Variants in CCDC149 observed in about 807,000 individuals in gnomAD.
CCDC149 encodes coiled-coil domain-containing protein 149.
A neutral mutation model predicts 59.9 loss-of-function variants in CCDC149; 45 were observed. The observed-to-expected ratio is 0.75, with a 90% CI of 0.59 to 0.96. The LOEUF (loss-of-function observed/expected upper bound fraction) is 0.96, where lower values mean the gene tolerates loss of function less well. Ranked by LOEUF, CCDC149 falls within the 40% of genes least tolerant of loss-of-function variation. The probability of loss-of-function intolerance (pLI) is 0.00; values close to 1 mark genes in which losing one functional copy is unlikely to be tolerated. For synonymous variants in CCDC149, 245 were observed against 260.6 expected (o/e 0.94, Z 0.58); for missense variants, 584 against 664.7 (o/e 0.88, Z 1.33).
chr4:24,845,996 A>G (rs1480438632), intron 4 of CCDC149, among the ~76,000 whole-genome samples: 1 of 152,252 alleles, frequency 6.6e-6, no homozygotes, highest in Non-Finnish European at 1.5e-5. Context: ...GGGCAGAGAT[A>G]TCTTTCAGAA....
At chr4:24,940,536 C>T (rs1722922587) in intron 1 of CCDC149, among the ~76,000 whole-genome samples, 1 of 152,170 alleles carries the variant, frequency 6.6e-6, no homozygotes, top group Non-Finnish European at 1.5e-5. Context: ...ATCAAATTCA[C>T]ACATAACAAT....
intron 1 of CCDC149, among the ~76,000 whole-genome samples, chr4:24,967,433 C>T (rs1723832946): frequency 6.6e-6 from 1 of 152,104 alleles, no homozygotes; most frequent in South Asian, 2.1e-4. Flanking sequence ...TAAAGTAACA[C>T]CCCCTTCGCA....
At chr4:24,910,245 A>G (rs1721798403) in intron 1 of CCDC149, among the ~76,000 whole-genome samples, 1 of 152,134 alleles carries the variant, frequency 6.6e-6, no homozygotes, top group South Asian at 2.1e-4. Context: ...GTCTTCCCAT[A>G]GCCTGCTCCC....
intron 1 of CCDC149, among the ~76,000 whole-genome samples, chr4:24,970,502 G>A (rs1013863095): frequency 6.6e-6 from 1 of 152,140 alleles, no homozygotes; most frequent in East Asian, 1.9e-4. Flanking sequence ...CTCCAGCCCA[G>A]GCATCATGGT....
intron 3 of CCDC149, among the ~76,000 whole-genome samples, chr4:24,863,644 C>A (rs924551172): frequency 1.3e-5 from 2 of 152,252 alleles, no homozygotes; most frequent in African/African-American, 2.4e-5. Flanking sequence ...TAGCTCCTTA[C>A]TCTAAAGCCT....
intron 9 of CCDC149, chr4:24,829,499 GC>G (rs1429896742): frequency 6.6e-6 from 1 of 152,134 alleles, no homozygotes. Flanking sequence ...AGTGGAGAAG[GC>G]TGGAGTTTCC....
chr4:24,911,249 C>A (rs1327505267), intron 1 of CCDC149, among the ~76,000 whole-genome samples: 2 of 152,178 alleles, frequency 1.3e-5, no homozygotes, highest in Non-Finnish European at 2.9e-5. Flanking sequence ...CTGAGGGGCA[C>A]CCCATGCCAT....
At chr4:24,869,467 C>A (rs1341651180) in intron 3 of CCDC149, among the ~76,000 whole-genome samples, 1 of 152,170 alleles carries the variant, frequency 6.6e-6, no homozygotes, top group African/African-American at 2.4e-5. Flanking sequence ...TGAGCTGGAA[C>A]CTGTCTTTGG....
intron 4 of CCDC149, among the ~76,000 whole-genome samples, chr4:24,842,628 C>T (rs1050635528): frequency 2.6e-5 from 4 of 152,126 alleles, no homozygotes; most frequent in Admixed American, 6.5e-5. Flanking sequence ...CGTCAGCTTG[C>T]GGATGAGGTG....
chr4:24,972,965 G>T (rs1396433155), intron 1 of CCDC149, among the ~76,000 whole-genome samples: 1 of 152,160 alleles, frequency 6.6e-6, no homozygotes, highest in Non-Finnish European at 1.5e-5. Context: ...TCTTTTGCCT[G>T]TAAGGGTGGG....
intron 1 of CCDC149, among the ~76,000 whole-genome samples, chr4:24,941,260 C>A (rs550304227): frequency 1.3e-5 from 2 of 152,312 alleles, no homozygotes; most frequent in African/African-American, 4.8e-5. Context: ...AACTGCTCAA[C>A]TACATGGAAA....
chr4:24,862,448 C>T (rs756331803), intron 3 of CCDC149, among the ~76,000 whole-genome samples: 1 of 152,126 alleles, frequency 6.6e-6, no homozygotes, highest in Non-Finnish European at 1.5e-5. Context: ...AAATTCTGGC[C>T]CTCTCTAGTT....
intron 3 of CCDC149, among the ~76,000 whole-genome samples, chr4:24,857,066 G>T (rs1718057353): frequency 6.6e-6 from 1 of 152,062 alleles, no homozygotes; most frequent in African/African-American, 2.4e-5. Flanking sequence ...GTCTGTAAGG[G>T]CAACAATGAA....
intron 1 of CCDC149, among the ~76,000 whole-genome samples, chr4:24,931,850 T>TATATATATATATATATATAA: frequency 7.1e-6 from 1 of 141,156 alleles, no homozygotes; most frequent in East Asian, 2.0e-4. Context: ...TATATATATA[T>TATATATATATATATATATAA]ATGCATAATC....
intron 9 of CCDC149, 69 bp downstream of exon 9, chr4:24,831,437 A>G (rs1204565947): frequency 4.5e-6 from 7 of 1,542,360 alleles, no homozygotes; most frequent in South Asian, 3.5e-5. Flanking sequence ...GCTGGTTGAC[A>G]TTCACTTCTG....
rs1687125874 is a variant in CCDC149, at chr4:24,806,122, G to A, written c.*2267C>T. On this transcript the variant is annotated 3_prime_UTR_variant, in exon 13 of 13. Coordinates refer to ENST00000635206, the MANE Select transcript of CCDC149 (RefSeq NM_001330643.2). ...AGACAAAAGACAGCTGTAAGTAATT[G>A]CAGAAAGCCCCTTTAATGTCTGTGG... 1 of 152,156 alleles carries A rather than the reference G, an allele frequency of 6.6e-6. No individual in the cohort carries two copies. The highest frequency in any genetic ancestry group is 2.4e-5 in the African/African-American group (1 of 41,418). 9.4% of individuals were successfully genotyped at this position (152,156 alleles called of 1,614,324 possible). A position where few individuals can be genotyped will look rare whatever the true frequency, so the allele number is the denominator to read the frequency against.
intron 2 of CCDC149, 88 bp from the exon 3 acceptor site, chr4:24,873,807 T>C: frequency 2.0e-6 from 2 of 1,007,068 alleles, no homozygotes; most frequent in Middle Eastern, 2.6e-4. Flanking sequence ...TGAACCTAAA[T>C]GTAGACTCTC....
intron 8 of CCDC149, among the ~76,000 whole-genome samples, chr4:24,832,763 T>C (rs1249536317): frequency 2.0e-5 from 3 of 152,240 alleles, no homozygotes; most frequent in Non-Finnish European, 4.4e-5. Context: ...CCAAATTCCA[T>C]ACTTCTGCAA....
chr4:24,911,663 C>A (rs1381388054), intron 1 of CCDC149, among the ~76,000 whole-genome samples: 1 of 152,184 alleles, frequency 6.6e-6, no homozygotes, highest in Non-Finnish European at 1.5e-5. Context: ...GGAGAGCTTT[C>A]AACTACTAGA....
Sources: gnomAD v4.1 joint callset for allele counts (sites outside exome capture counted in the v4.1 genomes callset) on GRCh38, gnomAD v4.1.1 for gene constraint, MANE v1.5 for transcripts, NCBI Gene and HGNC (gene_info 2026-07-23, HGNC 2026-07-21) for gene names.